Variants in KIAA1217 observed in about 807,000 individuals in gnomAD.
The protein encoded by KIAA1217 is KIAA1217.
A neutral mutation model predicts 163.9 loss-of-function variants in KIAA1217; 88 were observed. That is an observed-to-expected ratio of 0.54 (90% CI 0.45 to 0.64). The LOEUF (loss-of-function observed/expected upper bound fraction) is 0.64. Ranked by LOEUF, KIAA1217 falls within the 30% of genes least tolerant of loss-of-function variation. The pLI, the probability that KIAA1217 is intolerant of heterozygous loss-of-function variation, is 0.00. For missense variants in KIAA1217, 2,372 were observed against 2,475.0 expected (o/e 0.96, Z 0.88); for synonymous variants, 903 against 923.1 (o/e 0.98, Z 0.39).
At chr10:24,380,608 C>T (rs1366211090) in intron 2 of KIAA1217, among the ~76,000 whole-genome samples, 1 of 133,320 alleles carries the variant, frequency 7.5e-6, no homozygotes, top group Non-Finnish European at 1.6e-5. Flanking sequence ...CACCACTGCA[C>T]TCTGGCAATA....
At chr10:23,957,714 T>C (rs1338532903) in intron 1 of KIAA1217, among the ~76,000 whole-genome samples, 1 of 152,108 alleles carries the variant, frequency 6.6e-6, no homozygotes, top group African/African-American at 2.4e-5. Context: ...ATACTGAGAC[T>C]CCATCTTGGA....
intron 1 of KIAA1217, among the ~76,000 whole-genome samples, chr10:23,769,275 C>T (rs1417298061): frequency 6.6e-6 from 1 of 152,110 alleles, no homozygotes; most frequent in Non-Finnish European, 1.5e-5. Context: ...TCCATAGGAT[C>T]AGATGAGCCA....
At chr10:23,968,134 A>C (rs1845149493) in intron 1 of KIAA1217, among the ~76,000 whole-genome samples, 1 of 151,468 alleles carries the variant, frequency 6.6e-6, no homozygotes, top group Non-Finnish European at 1.5e-5. Flanking sequence ...CAGAATACCA[A>C]AGTATGCATA....
intron 2 of KIAA1217, among the ~76,000 whole-genome samples, chr10:24,098,142 A>G (rs2062236629): frequency 6.6e-6 from 1 of 152,070 alleles, no homozygotes. Flanking sequence ...AAGGAGGAAG[A>G]GCAGCTCTCA....
intron 1 of KIAA1217, among the ~76,000 whole-genome samples, chr10:23,916,209 C>CT (rs1335470557): frequency 1.3e-5 from 2 of 152,208 alleles, no homozygotes; most frequent in Admixed American, 1.3e-4. Flanking sequence ...GTGAGCTGAA[C>CT]TTTCAGTTGT....
intron 1 of KIAA1217, among the ~76,000 whole-genome samples, chr10:23,980,819 A>G (rs1322215504): frequency 2.0e-5 from 3 of 152,028 alleles, no homozygotes; most frequent in Non-Finnish European, 4.4e-5. Context: ...TCTCTTTCCC[A>G]TGTCTAATAT....
chr10:24,303,450 G>A (rs2041626257), intron 2 of KIAA1217, among the ~76,000 whole-genome samples: 1 of 152,184 alleles, frequency 6.6e-6, no homozygotes, highest in Admixed American at 6.5e-5. Context: ...CTAGGGTGGT[G>A]GCCATGAGAG....
At chr10:24,226,397 C>T (rs924165852) in intron 2 of KIAA1217, among the ~76,000 whole-genome samples, 11 of 151,714 alleles carry the variant, frequency 7.3e-5, no homozygotes, top group Non-Finnish European at 1.2e-4. Context: ...GAGGCTAAGG[C>T]GGGCAGATCA....
intron 2 of KIAA1217, among the ~76,000 whole-genome samples, chr10:24,352,059 C>T (rs2048520251): frequency 6.6e-6 from 1 of 152,246 alleles, no homozygotes; most frequent in South Asian, 2.1e-4. Context: ...TGTTTTTCCT[C>T]ATCTTTCATC....
intron 2 of KIAA1217, among the ~76,000 whole-genome samples, chr10:24,270,130 T>C (rs996643648): frequency 7.9e-5 from 12 of 152,256 alleles, no homozygotes; most frequent in African/African-American, 1.2e-4. Context: ...TGGAAAATCC[T>C]TAATATATTC....
Position 24,542,722 on chromosome 10 carries a change from G to A in KIAA1217, c.3564G>A (p.Arg1188=), listed in dbSNP as rs752678199. 1 of 1,614,160 alleles carries A rather than the reference G, an allele frequency of 6.2e-7. No individual in the cohort carries two copies. The highest frequency in any genetic ancestry group is 1.3e-5 in the African/African-American group (1 of 75,040). The change falls in exon 18 of 21, where the codon CGG becomes CGA. Residue 1188 remains arginine, a synonymous_variant. Transcript: ENST00000376454. ...KNLEFFHEDV[R]KSDVEYENGP... ...TGGAATTTTTCCATGAAGATGTACGGAAATCTGATGTTGAATATGAAAATG... is the reference window on the plus strand; with the variant it reads ...TGGAATTTTTCCATGAAGATGTACGAAAATCTGATGTTGAATATGAAAATG...
chr10:24,441,600 G>T (rs2060500889), intron 5 of KIAA1217, among the ~76,000 whole-genome samples: 1 of 152,086 alleles, frequency 6.6e-6, no homozygotes, highest in Non-Finnish European at 1.5e-5. Flanking sequence ...GAGCATTTTT[G>T]AGGCTAGTCT....
At chr10:24,422,532 T>A (rs1349777960) in intron 3 of KIAA1217, among the ~76,000 whole-genome samples, 1 of 152,212 alleles carries the variant, frequency 6.6e-6, no homozygotes, top group Non-Finnish European at 1.5e-5. Flanking sequence ...CTTTACATTA[T>A]AGCTTCTTCA....
intron 9 of KIAA1217, among the ~76,000 whole-genome samples, chr10:24,503,821 T>C (rs933421414): frequency 6.6e-6 from 1 of 152,218 alleles, no homozygotes; most frequent in African/African-American, 2.4e-5. Flanking sequence ...TGCTCCTGCC[T>C]TTTGGCACCA....
At chr10:24,444,122 TC>T (rs1257664382) in intron 5 of KIAA1217, among the ~76,000 whole-genome samples, 1 of 152,068 alleles carries the variant, frequency 6.6e-6, no homozygotes, top group Non-Finnish European at 1.5e-5. Flanking sequence ...GCAATTCTCC[TC>T]CCTTAGCCTC....
intron 2 of KIAA1217, among the ~76,000 whole-genome samples, chr10:24,135,964 GCTT>G (rs755659800): frequency 2.0e-5 from 3 of 152,154 alleles, no homozygotes; most frequent in Non-Finnish European, 2.9e-5. Context: ...CTTTTCTCCA[GCTT>G]CTTCTTCAAT....
intron 1 of KIAA1217, among the ~76,000 whole-genome samples, chr10:23,925,161 A>G (rs1270637772): frequency 2.0e-5 from 3 of 152,180 alleles, no homozygotes; most frequent in Non-Finnish European, 2.9e-5. Context: ...TAGATAGGGA[A>G]AGAAGGAGAA....
chr10:24,200,483 T>C (rs1306619538), intron 2 of KIAA1217, among the ~76,000 whole-genome samples: 2 of 152,118 alleles, frequency 1.3e-5, no homozygotes, highest in African/African-American at 4.8e-5. Context: ...CTGCACCACC[T>C]GGCTATGCTT....
At chr10:24,176,052 TG>T (rs1298495539) in intron 2 of KIAA1217, among the ~76,000 whole-genome samples, 8 of 152,350 alleles carry the variant, frequency 5.3e-5, no homozygotes, top group African/African-American at 1.9e-4. Context: ...TTCCCTTATC[TG>T]GCCCCACCCA....
Sources: allele counts gnomAD v4.1 joint callset (sites outside exome capture counted in the v4.1 genomes callset), GRCh38; gene constraint gnomAD v4.1.1; transcripts MANE v1.5; gene names NCBI Gene and HGNC (gene_info 2026-07-23, HGNC 2026-07-21).